Variants in RNGTT observed in about 807,000 individuals in gnomAD.
RNGTT encodes mRNA-capping enzyme.
A neutral mutation model predicts 79.3 loss-of-function variants in RNGTT; 33 were observed. The observed-to-expected ratio is 0.42, with a 90% CI of 0.32 to 0.56. The LOEUF is 0.56. Ranked by LOEUF, RNGTT falls within the 20% of genes least tolerant of loss-of-function variation. The probability of loss-of-function intolerance (pLI) is 0.17; values close to 1 mark genes in which losing one functional copy is unlikely to be tolerated. For synonymous variants in RNGTT, 222 were observed against 235.9 expected (o/e 0.94, Z 0.54); for missense variants, 497 against 739.1 (o/e 0.67, Z 3.80).
intron 11 of RNGTT, among the ~76,000 whole-genome samples, chr6:88,814,275 T>C (rs993530755): frequency 3.9e-5 from 6 of 152,208 alleles, no homozygotes; most frequent in Admixed American, 2.0e-4. Flanking sequence ...AATAACGTCC[T>C]AACTGGGCAT....
At chr6:88,916,174 A>G (rs1783992820) in intron 4 of RNGTT, among the ~76,000 whole-genome samples, 1 of 152,210 alleles carries the variant, frequency 6.6e-6, no homozygotes, top group Admixed American at 6.5e-5. Context: ...CAGTATCTAC[A>G]TCTATCAAAC....
chr6:88,860,324 T>G (rs959031594), intron 8 of RNGTT, among the ~76,000 whole-genome samples: 11 of 152,226 alleles, frequency 7.2e-5, no homozygotes, highest in African/African-American at 2.7e-4. Context: ...TGTCCCATTT[T>G]GTTTGGAAGA....
chr6:88,961,083 G>A lies in RNGTT; in HGVS notation c.64+2263C>T, dbSNP rs895171203. Among the ~76,000 whole-genome samples the A allele has an allele frequency of 3.3e-5, 5 of 152,326 alleles. No individual in the cohort carries two copies. In the East Asian group the frequency reaches 9.6e-4, roughly 29 times the overall value. On this transcript the variant is annotated intron_variant, in intron 1 of 15. Coordinates refer to ENST00000369485, the MANE Select transcript of RNGTT (RefSeq NM_003800.5). ...AATCTGGGTGGGCACCATCTAATCA[G>A]CTGCCAGCATGGCTAGAATATAAAG...
At chr6:88,957,812 A>C (rs1189975583) in intron 1 of RNGTT, among the ~76,000 whole-genome samples, 2 of 152,232 alleles carry the variant, frequency 1.3e-5, no homozygotes, top group Admixed American at 6.5e-5. Flanking sequence ...TGCCAAAAGC[A>C]ATCTTTAGAT....
chr6:88,909,772 C>T (rs1783773727), intron 4 of RNGTT, among the ~76,000 whole-genome samples: 1 of 152,136 alleles, frequency 6.6e-6, no homozygotes. Context: ...TATTTAAGCA[C>T]CAACTGCAGC....
At chr6:88,658,023 C>G (rs1387243261) in intron 14 of RNGTT, among the ~76,000 whole-genome samples, 1 of 152,098 alleles carries the variant, frequency 6.6e-6, no homozygotes, top group African/African-American at 2.4e-5. Flanking sequence ...TCTATGACCC[C>G]GCGATCACCT....
intron 14 of RNGTT, among the ~76,000 whole-genome samples, chr6:88,651,564 T>A (rs1315472436): frequency 6.6e-6 from 1 of 152,042 alleles, no homozygotes; most frequent in East Asian, 1.9e-4. Flanking sequence ...AAATAAATTA[T>A]CCTGTTTTTC....
intron 14 of RNGTT, among the ~76,000 whole-genome samples, chr6:88,638,923 T>C (rs1169053255): frequency 6.6e-6 from 1 of 152,210 alleles, no homozygotes; most frequent in African/African-American, 2.4e-5. Flanking sequence ...AACTGTCTGC[T>C]AAGCCTCATA....
At chr6:88,867,808 T>C (rs1288113735) in intron 8 of RNGTT, among the ~76,000 whole-genome samples, 1 of 152,198 alleles carries the variant, frequency 6.6e-6, no homozygotes, top group African/African-American at 2.4e-5. Context: ...GCTAGACTCA[T>C]TGAATGAATG....
At chr6:88,889,892 T>A (rs1782985865) in intron 8 of RNGTT, among the ~76,000 whole-genome samples, 1 of 152,116 alleles carries the variant, frequency 6.6e-6, no homozygotes, top group African/African-American at 2.4e-5. Flanking sequence ...GGTGGGAGGA[T>A]TACTCGAGCC....
intron 14 of RNGTT, among the ~76,000 whole-genome samples, chr6:88,676,449 A>G (rs1165860517): frequency 6.6e-6 from 1 of 152,186 alleles, no homozygotes; most frequent in Non-Finnish European, 1.5e-5. Context: ...TGGACAATAA[A>G]CCTAAATGTA....
At chr6:88,849,717 C>T (rs767546003) in intron 10 of RNGTT, 38 bp downstream of exon 10, 36 of 1,463,324 alleles carry the variant, frequency 2.5e-5, no homozygotes, top group South Asian at 1.3e-4. Flanking sequence ...TTCATTATTT[C>T]AGTAATAACT....
At position 88,687,917 on chromosome 6, in the gene RNGTT, C is replaced by A. The variant is rs545508201; in HGVS notation, c.1440-9498G>T. 3.9e-5 allele frequency among the ~76,000 whole-genome samples: 6 copies of A among 152,078 alleles called. No homozygotes were observed. In the South Asian group the frequency reaches 8.3e-4, roughly 21 times the overall value. On this transcript the variant is annotated intron_variant, in intron 13 of 15. Coordinates refer to ENST00000369485, the MANE Select transcript of RNGTT (RefSeq NM_003800.5). ...TTTTTATACAGTTAGGACTTAGAAC[C>A]ATTACAATGTTTCATATACCAAACG... is the stretch of plus-strand genomic sequence containing the variant.
chr6:88,711,911 G>T (rs73754806), intron 13 of RNGTT, among the ~76,000 whole-genome samples: 3,154 of 152,230 alleles, frequency 0.021, 90 homozygotes, highest in African/African-American at 0.072. Flanking sequence ...ATTGAGAAAT[G>T]ATAATCTATT....
chr6:88,961,333 GTGTA>G (rs1005379766), intron 1 of RNGTT, among the ~76,000 whole-genome samples: 14 of 152,146 alleles, frequency 9.2e-5, no homozygotes, highest in Middle Eastern at 6.8e-3. Flanking sequence ...ATGTGTGTGT[GTGTA>G]TGTATGTGTG....
intron 14 of RNGTT, among the ~76,000 whole-genome samples, chr6:88,657,792 C>T (rs1357904056): frequency 6.6e-6 from 1 of 152,096 alleles, no homozygotes; most frequent in Non-Finnish European, 1.5e-5. Context: ...GCCAGCTTTC[C>T]CCACTTGCCT....
At position 88,751,146 on chromosome 6, in the gene RNGTT, C is replaced by A. The variant is rs551466077; in HGVS notation, c.1439+18628G>T. 2.4e-4 allele frequency among the ~76,000 whole-genome samples: 37 copies of A among 152,158 alleles called. No homozygotes were observed. The South Asian group carries it at 4.8e-3, about 20-fold the overall frequency. On this transcript the variant is annotated intron_variant, in intron 13 of 15. Transcript: ENST00000369485. ...GTAAATTGAAGACAAGTAAGCCAGT[C>A]CATTTTTTTCTTTTCCATAAAATAG...
At chr6:88,718,074 CAAGA>C (rs1372603679) in intron 13 of RNGTT, among the ~76,000 whole-genome samples, 2 of 152,086 alleles carry the variant, frequency 1.3e-5, no homozygotes, top group African/African-American at 4.8e-5. Flanking sequence ...CAGAAATTCA[CAAGA>C]AAGTGCTAAC....
chr6:88,793,161 CAT>C (rs562845924), intron 12 of RNGTT, among the ~76,000 whole-genome samples: 2 of 152,162 alleles, frequency 1.3e-5, no homozygotes, highest in Admixed American at 1.3e-4. Context: ...AAGTTGGTAA[CAT>C]GTGCTTTTAA....
Sources: gnomAD v4.1 joint callset for allele counts (sites outside exome capture counted in the v4.1 genomes callset) on GRCh38, gnomAD v4.1.1 for gene constraint, MANE v1.5 for transcripts, NCBI Gene and HGNC (gene_info 2026-07-23, HGNC 2026-07-21) for gene names.